The following DGKH variants were observed in gnomAD, a reference collection of about 807,000 sequenced individuals.
DGKH encodes diacylglycerol kinase eta.
In DGKH, 90 loss-of-function variants were observed where a neutral mutation model predicts 159.3. That is an observed-to-expected ratio of 0.57 (90% confidence interval 0.48 to 0.67). The LOEUF (loss-of-function observed/expected upper bound fraction) is 0.67. Among genes scored for constraint, DGKH ranks in the 30% least tolerant of loss-of-function variants. The probability of loss-of-function intolerance (pLI) is 0.00; values close to 1 mark genes in which losing one functional copy is unlikely to be tolerated. For synonymous variants in DGKH, 536 were observed against 553.8 expected (o/e 0.97, Z 0.45); for missense variants, 1,181 against 1,506.1 (o/e 0.78, Z 3.57).
In DGKH at chr13:42,165,407, T is replaced by C; in HGVS notation, c.932T>C (p.Ile311Thr). The C allele has an allele frequency of 6.3e-7, 1 of 1,588,824 alleles. No homozygotes were observed. The highest frequency in any genetic ancestry group is 8.6e-7 in the Non-Finnish European group (1 of 1,168,610). The change falls in exon 8 of 30, where the codon ATT (isoleucine) becomes ACT (threonine). Residue 311 changes from isoleucine (I) to threonine (T), a missense_variant. Transcript: ENST00000337343. ...GQCKVSIIPP[I>T]ALNSTDSDGF... ...TGTAAAGTATCTATCATACCTCCAA[T>C]TGCACTAAACAGCACCGATTCCGAT...
chr13:42,099,056 T>A (rs1262910604), intron 1 of DGKH, among the ~76,000 whole-genome samples: 1 of 152,192 alleles, frequency 6.6e-6, no homozygotes, highest in African/African-American at 2.4e-5. Context: ...GGTTGCTTCA[T>A]CCCTGCTTGT....
intron 11 of DGKH, among the ~76,000 whole-genome samples, chr13:42,171,522 G>A (rs184600516): frequency 6.6e-6 from 1 of 152,202 alleles, no homozygotes; most frequent in African/African-American, 2.4e-5. Flanking sequence ...CATGGAGGGT[G>A]CAAGGAACTC....
intron 20 of DGKH, among the ~76,000 whole-genome samples, chr13:42,200,576 T>C (rs1408475668): frequency 6.6e-6 from 1 of 152,226 alleles, no homozygotes; most frequent in African/African-American, 2.4e-5. Context: ...TTGTATCTTT[T>C]TGTAACTATA....
chr13:42,230,612 A>G lies in DGKH; in HGVS notation c.*1424A>G, dbSNP rs1958265281. On this transcript the variant is annotated 3_prime_UTR_variant, in exon 30 of 30. Coordinates refer to ENST00000337343, the MANE Select transcript of DGKH (RefSeq NM_178009.5). ...ACAGGGTACTGACTCAGTGGTGACAATTTTTATGAAGTAGCCTGCTAGGTG... is the reference window on the plus strand; with the variant it reads ...ACAGGGTACTGACTCAGTGGTGACAGTTTTTATGAAGTAGCCTGCTAGGTG... The G allele has an allele frequency of 6.6e-6, 1 of 152,060 alleles. No homozygotes were observed. Among genetic ancestry groups the G allele is most frequent in the Admixed American group, 6.6e-5 (1 of 15,244 alleles). The allele number at this position is 152,060 out of a possible 1,614,324, so 9.4% of individuals were successfully genotyped here.
intron 21 of DGKH, among the ~76,000 whole-genome samples, chr13:42,206,696 A>C (rs1394531336): frequency 3.3e-5 from 5 of 152,024 alleles, no homozygotes; most frequent in Admixed American, 1.3e-4. Context: ...CTCCATCTTC[A>C]AAGCCAGCAA....
At chr13:42,150,595 G>T (rs145628854) in intron 3 of DGKH, among the ~76,000 whole-genome samples, 3 of 152,192 alleles carry the variant, frequency 2.0e-5, no homozygotes, top group African/African-American at 7.2e-5. Context: ...CAAAATCAGA[G>T]CCCCATTAAG....
At chr13:42,044,855 T>C (rs1393303667), upstream of DGKH, among the ~76,000 whole-genome samples, 2 of 152,186 alleles carry the variant, frequency 1.3e-5, no homozygotes, top group Non-Finnish European at 2.9e-5. Context: ...AATACTTTAG[T>C]GGTGGGCATG....
intron 1 of DGKH, among the ~76,000 whole-genome samples, chr13:42,120,973 C>T (rs1955057156): frequency 6.6e-6 from 1 of 151,982 alleles, no homozygotes; most frequent in Non-Finnish European, 1.5e-5. Context: ...GACCCCAACC[C>T]ACAACTAGAT....
intron 13 of DGKH, among the ~76,000 whole-genome samples, chr13:42,182,768 G>A (rs1956805669): frequency 6.6e-6 from 1 of 152,078 alleles, no homozygotes; most frequent in African/African-American, 2.4e-5. Flanking sequence ...GTGTGCATGT[G>A]CGCACATATA....
At chr13:42,171,773 ATAG>A (rs1956460434) in intron 11 of DGKH, among the ~76,000 whole-genome samples, 1 of 151,712 alleles carries the variant, frequency 6.6e-6, no homozygotes, top group Admixed American at 6.6e-5. Context: ...GATGCTCAAT[ATAG>A]TATATCTGCT....
At position 42,236,387 on chromosome 13, in the gene DGKH, A is replaced by G. The variant is rs1958412916; in HGVS notation, c.*7199A>G. 6.6e-6 allele frequency: 1 copy of G among 152,230 alleles called. No homozygotes were observed. Among genetic ancestry groups the G allele is most frequent in the Admixed American group, 6.5e-5 (1 of 15,284 alleles). 9.4% of individuals were successfully genotyped at this position (152,230 alleles called of 1,614,324 possible). A position where few individuals can be genotyped will look rare whatever the true frequency, so the allele number is the denominator to read the frequency against. On this transcript the variant is annotated 3_prime_UTR_variant, in exon 30 of 30. Transcript: ENST00000337343. ...TTACTGCAATAGATAGCGGAATAGT[A>G]ATAGACACTTTGTTAAAAAAATAAG...
chr13:42,050,503 T>A (rs527569795), intron 1 of DGKH, among the ~76,000 whole-genome samples: 4 of 152,370 alleles, frequency 2.6e-5, no homozygotes, highest in African/African-American at 9.6e-5. Flanking sequence ...AGAGTACATC[T>A]TGTAACTCCT....
At chr13:42,088,736 T>G (rs1349968824) in intron 1 of DGKH, among the ~76,000 whole-genome samples, 3 of 152,102 alleles carry the variant, frequency 2.0e-5, no homozygotes, top group Non-Finnish European at 2.9e-5. Flanking sequence ...AGACCAATAT[T>G]AAACAGCAAA....
At position 42,177,750 on chromosome 13, in the gene DGKH, G is replaced by A. The variant is rs949965185; in HGVS notation, c.1453-385G>A. Among the ~76,000 whole-genome samples, 30 of 152,084 alleles carry A rather than the reference G, an allele frequency of 2.0e-4. 1 individual carries two copies. Among genetic ancestry groups the A allele is most frequent in the African/African-American group, 6.7e-4 (28 of 41,496 alleles). On this transcript the variant is annotated intron_variant, in intron 12 of 29. Transcript: ENST00000337343. ...TTCCATTTGCCTGATGGCTGAGATTGGATATGTTTTCATCGGTTTATGGGC... is the reference window on the plus strand; with the variant it reads ...TTCCATTTGCCTGATGGCTGAGATTAGATATGTTTTCATCGGTTTATGGGC...
At chr13:42,102,066 A>T (rs1566102109) in intron 1 of DGKH, among the ~76,000 whole-genome samples, 1 of 152,210 alleles carries the variant, frequency 6.6e-6, no homozygotes, top group Non-Finnish European at 1.5e-5. Flanking sequence ...TGATGGTGTG[A>T]TTGAAGTCCA....
chr13:42,079,334 A>G lies in DGKH; in HGVS notation c.192+30369A>G, dbSNP rs1277472125. On this transcript the variant is annotated intron_variant, in intron 1 of 29. Coordinates refer to ENST00000337343, the MANE Select transcript of DGKH (RefSeq NM_178009.5). ...GGGTATATGTACAAAGTTATGGGGTATATGTGCAATTTCATTACATGCACA... is the reference window on the plus strand; with the variant it reads ...GGGTATATGTACAAAGTTATGGGGTGTATGTGCAATTTCATTACATGCACA... Among the ~76,000 whole-genome samples the G allele has an allele frequency of 3.3e-5, 5 of 152,226 alleles. 1 individual carries two copies. The highest frequency in any genetic ancestry group is 4.8e-5 in the African/African-American group (2 of 41,460).
chr13:42,043,158 CAT>C (rs1880613946), intron 1 of DGKH, among the ~76,000 whole-genome samples: 2 of 151,990 alleles, frequency 1.3e-5, no homozygotes, highest in Admixed American at 1.3e-4. Flanking sequence ...ACTTATGTGA[CAT>C]ATATGTTACA....
At chr13:42,155,612 C>T in intron 4 of DGKH, 55 bp from the exon 5 acceptor site, 1 of 1,612,108 alleles carries the variant, frequency 6.2e-7, no homozygotes. Context: ...AACAGTTCAG[C>T]ATCTGTAGCC....
intron 29 of DGKH, among the ~76,000 whole-genome samples, chr13:42,249,150 G>A (rs1412751177): frequency 6.6e-6 from 1 of 152,178 alleles, no homozygotes; most frequent in Non-Finnish European, 1.5e-5. Context: ...AAGGTAGGTG[G>A]ATGGCTTGAG....
Sources: gnomAD v4.1 joint callset for allele counts (sites outside exome capture counted in the v4.1 genomes callset) on GRCh38, gnomAD v4.1.1 for gene constraint, MANE v1.5 for transcripts, NCBI Gene and HGNC (gene_info 2026-07-23, HGNC 2026-07-21) for gene names.